The following SCRIB variants were observed in gnomAD, a reference collection of about 807,000 sequenced individuals.
SCRIB encodes the protein scribble planar cell polarity protein.
In SCRIB, 72 loss-of-function variants were observed where a neutral mutation model predicts 170.0. That is an observed-to-expected ratio of 0.42 (90% confidence interval 0.35 to 0.52). The LOEUF (loss-of-function observed/expected upper bound fraction) is 0.52. SCRIB is among the 20% of genes least tolerant of loss of function. The probability of loss-of-function intolerance (pLI) is 0.02; values close to 1 mark genes in which losing one functional copy is unlikely to be tolerated. For missense variants in SCRIB, 2,475 were observed against 2,338.5 expected (o/e 1.06, Z -1.20); for synonymous variants, 1,298 against 1,044.3 (o/e 1.24, Z -4.68).
At position 143,805,379 on chromosome 8, in the gene SCRIB, C is replaced by A; in HGVS notation, c.2403G>T (p.Arg801=). The change falls in exon 19 of 37, where the codon CGG becomes CGT. Residue 801 remains arginine (R), a synonymous_variant. Coordinates refer to ENST00000356994, the MANE Select transcript of SCRIB (RefSeq NM_182706.5). ...AEHHEAVEAL[R]GAGTAVQMRV... Reference sequence around the variant, plus strand: ...GCATCTGCACGGCAGTGCCGGCCCCCCGGAGCGCCTCCACGGCCTCGTGGT... The same window carrying A: ...GCATCTGCACGGCAGTGCCGGCCCCACGGAGCGCCTCCACGGCCTCGTGGT... 1.3e-6 allele frequency: 2 copies of A among 1,548,016 alleles called. No individual in the cohort carries two copies. Among genetic ancestry groups the A allele is most frequent in the Non-Finnish European group, 1.7e-6 (2 of 1,152,822 alleles).
At chr8:143,791,840 G>A (rs371260780) in intron 34 of SCRIB, 36 bp downstream of exon 34, 259 of 1,538,960 alleles carry the variant, frequency 1.7e-4, no homozygotes, top group African/African-American at 7.6e-4. Flanking sequence ...CCCATGCCTC[G>A]GGGGTGAAGG....
Position 143,815,652 on chromosome 8 carries a change from C to T in SCRIB, c.-280G>A. 3 of 983,142 alleles carry T rather than the reference C, an allele frequency of 3.1e-6. No individual in the cohort carries two copies. The highest frequency in any genetic ancestry group is 5.2e-4 in the Middle Eastern group (1 of 1,912). The allele number at this position is 983,142 out of a possible 1,614,324, so 60.9% of individuals were successfully genotyped here. A position where few individuals can be genotyped will look rare whatever the true frequency, so the allele number is the denominator to read the frequency against. ...GCGGCGGCTCCGCATCCCGCTTGGT[C>T]CTGCTCAGCTCGTCCCGCCCGCTCG... On this transcript the variant is annotated 5_prime_UTR_variant, in exon 1 of 37. Transcript: ENST00000356994.
chr8:143,804,988 C>G lies in SCRIB; in HGVS notation c.2697G>C (p.Glu899Asp), dbSNP rs782431978. The G allele has an allele frequency of 3.2e-6, 5 of 1,585,708 alleles. No individual in the cohort carries two copies. The highest frequency in any genetic ancestry group is 4.3e-6 in the Non-Finnish European group (5 of 1,170,288). The part of the protein sequence containing the change: ...DAGIFVSRIA[E>D]GGAAHRAGTL... ...TGCCCGCGCGGTGAGCAGCACCGCCCTCGGCAATGCGGGAGACGAAGATGC... is the reference window on the plus strand; with the variant it reads ...TGCCCGCGCGGTGAGCAGCACCGCCGTCGGCAATGCGGGAGACGAAGATGC... Residue 899 changes from glutamate to aspartate, a missense_variant, in exon 20 of 37, where the codon GAG (glutamate) becomes GAC (aspartate). Physicochemically the swap from Glu to Asp is conservative, Grantham distance 45 (BLOSUM62 2). Coordinates refer to ENST00000356994, the MANE Select transcript of SCRIB (RefSeq NM_182706.5).
In SCRIB at chr8:143,815,303, G is replaced by T; in HGVS notation, c.70C>A (p.Leu24Met). 6.3e-7 allele frequency: 1 copy of T among 1,590,520 alleles called. No individual in the cohort carries two copies. Residue 24 changes from leucine to methionine, a missense_variant, in exon 1 of 37, where the codon CTG becomes ATG. Transcript: ENST00000356994. ...VESVDKRHCS[L>M]QAVPEEIYRY... ...TAGATCTCCTCCGGCACGGCCTGCAGCGAACAGTGCCGCTTGTCCACCGAC... is the reference window on the plus strand; with the variant it reads ...TAGATCTCCTCCGGCACGGCCTGCATCGAACAGTGCCGCTTGTCCACCGAC...
Position 143,804,830 on chromosome 8 carries a change from G to A in SCRIB, c.2752-5C>T, listed in dbSNP as rs376025603. On this transcript the variant is annotated splice_polypyrimidine_tract_variant and splice_region_variant and intron_variant, in intron 20 of 36. Transcript: ENST00000356994. Reference sequence around the variant, plus strand: ...AGTCACGTCCACTCCATTAATCTGTGAGAGCGTGCCCGAATCAGGGAGGCC... The same window carrying A: ...AGTCACGTCCACTCCATTAATCTGTAAGAGCGTGCCCGAATCAGGGAGGCC... 49 of 1,581,624 alleles carry A rather than the reference G, an allele frequency of 3.1e-5. No homozygotes were observed. Among genetic ancestry groups the A allele is most frequent in the Non-Finnish European group, 3.9e-5 (46 of 1,170,604 alleles).
rs1815574394 is a variant in SCRIB, at chr8:143,809,033, G to A, written c.1699-8C>T. 1.9e-6 allele frequency: 3 copies of A among 1,604,456 alleles called. No individual in the cohort carries two copies. Among genetic ancestry groups the A allele is most frequent in the Non-Finnish European group, 8.5e-7 (1 of 1,175,264 alleles). ...TGCGAAATGCACCGTGGGCTGTGCG[G>A]ACAAAAGGGTGAGGGTGGCCCCAGC... On this transcript the variant is annotated splice_polypyrimidine_tract_variant and splice_region_variant and intron_variant, in intron 14 of 36. Transcript: ENST00000356994.
rs537757115 is a variant in SCRIB, at chr8:143,810,876, C to A, written c.1273+30G>T. The A allele has an allele frequency of 9.3e-6, 15 of 1,609,150 alleles. No individual in the cohort carries two copies. In the Admixed American group the frequency reaches 1.7e-4, roughly 18 times the overall value. The stretch of plus-strand genomic sequence containing the variant: ...CCCAAACCCTGCCTGAGAGCCACCC[C>A]GCGCTAAGCACCGGTTGCCAACAAC... On this transcript the variant is annotated intron_variant, in intron 11 of 36. Transcript: ENST00000356994.
Position 143,815,468 on chromosome 8 carries a change from G to C in SCRIB, c.-96C>G. The C allele has an allele frequency of 9.3e-7, 1 of 1,074,190 alleles. No individual in the cohort carries two copies. The highest frequency in any genetic ancestry group is 4.4e-5 in the South Asian group (1 of 22,922). The allele number at this position is 1,074,190 out of a possible 1,614,324, so 66.5% of individuals were successfully genotyped here. A position where few individuals can be genotyped will look rare whatever the true frequency, so the allele number is the denominator to read the frequency against. On this transcript the variant is annotated 5_prime_UTR_variant, in exon 1 of 37. Coordinates refer to ENST00000356994, the MANE Select transcript of SCRIB (RefSeq NM_182706.5). The stretch of plus-strand genomic sequence containing the variant: ...CCGCATGGGCGCCGCGCATGGGGAG[G>C]GGGCGCAGGCAGGGGGCGGGCCGCC...
rs1554635876 is a variant in SCRIB, at chr8:143,804,587, T to C, written c.2990A>G (p.Glu997Gly). The change falls in exon 21 of 37, where the codon GAA becomes GGA. Residue 997 changes from glutamate (E) to glycine (G), a missense_variant. Physicochemically the swap from Glu to Gly is moderately conservative, Grantham distance 98. Coordinates refer to ENST00000356994, the MANE Select transcript of SCRIB (RefSeq NM_182706.5). The part of the protein sequence containing the change: ...LAPSLLAAAL[E>G]GPYPVEEIRL... ...TCTCACCTCCACTGGGTATGGCCCT[T>C]CCAACGCGGCAGCCAGCAGGCTGGG... is the stretch of plus-strand genomic sequence containing the variant. 2 of 1,513,326 alleles carry C rather than the reference T, an allele frequency of 1.3e-6. No homozygotes were observed. The highest frequency in any genetic ancestry group is 1.4e-5 in the African/African-American group (1 of 72,044). 93.7% of individuals were successfully genotyped at this position (1,513,326 alleles called of 1,614,324 possible).
At chr8:143,809,745 C>T (rs371680988) in intron 13 of SCRIB, 27 bp from the exon 14 acceptor site, 17 of 1,596,586 alleles carry the variant, frequency 1.1e-5, no homozygotes, top group Admixed American at 6.7e-5. Context: ...GGTCAGGCTT[C>T]GACGGAGCTC....
Position 143,792,265 on chromosome 8 carries a change from A to G in SCRIB, c.4469T>C (p.Leu1490Pro). The change falls in exon 32 of 37, where the codon CTC becomes CCC. Residue 1490 changes from leucine to proline, a missense_variant. Leu to Pro is a moderately conservative substitution (Grantham distance 98). This residue lies in a region of SCRIB where 1,966 missense variants were observed against 1,742.9 expected (regional missense o/e 1.13). Coordinates refer to ENST00000356994, the MANE Select transcript of SCRIB (RefSeq NM_182706.5). ...ACGCTTCTCGGCCTCCAGGGCCCGG[A>G]GCTCGGCAGGGGACAGGGCACGCTC... Reference protein sequence around the residue: ...APERALSPAELRALEAEKRAL... With the variant: ...APERALSPAEPRALEAEKRAL... 6.4e-7 allele frequency: 1 copy of G among 1,572,378 alleles called. No homozygotes were observed. Among genetic ancestry groups the G allele is most frequent in the Non-Finnish European group, 8.6e-7 (1 of 1,166,448 alleles).
rs377006018 is a variant in SCRIB at position 143,804,064 on chromosome 8, A to G, written c.3102T>C (p.Pro1034=). The change falls in exon 22 of 37, where the codon CCT becomes CCC. Residue 1034 remains proline (P), a synonymous_variant. Transcript: ENST00000356994. Reference sequence around the variant, plus strand: ...GCCCTACCTTGGAGATGAACACACCAGGCTCCTGGACACCAAACGGGTGGC... The same window carrying G: ...GCCCTACCTTGGAGATGAACACACCGGGCTCCTGGACACCAAACGGGTGGC... ...HSSHPFGVQE[P]GVFISKVLPR... 38 of 1,611,076 alleles carry G rather than the reference A, an allele frequency of 2.4e-5. No homozygotes were observed. Among genetic ancestry groups the G allele is most frequent in the South Asian group, 1.7e-4 (15 of 90,852 alleles).
intron 34 of SCRIB, 36 bp downstream of exon 34, chr8:143,791,839 CG>C: frequency 6.5e-7 from 1 of 1,529,008 alleles, no homozygotes; most frequent in Non-Finnish European, 8.8e-7. Flanking sequence ...CCCCATGCCT[CG>C]GGGGTGAAGG....
Position 143,815,402 on chromosome 8 carries a change from G to A in SCRIB, c.-30C>T, listed in dbSNP as rs774469101. ...CGGGTGGGCGGCGCGGGCTCCGGCG[G>A]CGGCGCTCGGCGGGCTCGGGGCCGG... On this transcript the variant is annotated 5_prime_UTR_variant, in exon 1 of 37. Coordinates refer to ENST00000356994, the MANE Select transcript of SCRIB (RefSeq NM_182706.5). 47 of 1,265,716 alleles carry A rather than the reference G, an allele frequency of 3.7e-5. No individual in the cohort carries two copies. In the African/African-American group the frequency reaches 5.4e-4, roughly 15 times the overall value. The allele number at this position is 1,265,716 out of a possible 1,614,324, so 78.4% of individuals were successfully genotyped here. A position where few individuals can be genotyped will look rare whatever the true frequency, so the allele number is the denominator to read the frequency against.
At position 143,792,693 on chromosome 8, in the gene SCRIB, T is replaced by A. The variant is rs1814754680; in HGVS notation, c.4177+15A>T. 1 of 1,587,264 alleles carries A rather than the reference T, an allele frequency of 6.3e-7. No individual in the cohort carries two copies. ...AGCCGAGACCCAACCCCCACCCCAC[T>A]TCCGTGCCCCTCACCTTCCTCCTCC... On this transcript the variant is annotated intron_variant, in intron 30 of 36. Coordinates refer to ENST00000356994, the MANE Select transcript of SCRIB (RefSeq NM_182706.5).
Position 143,811,286 on chromosome 8 carries a change from G to A in SCRIB, c.966C>T (p.Asn322=), listed in dbSNP as rs1055962767. Residue 322 remains asparagine (N), a synonymous_variant, in exon 10 of 37, where the codon AAC becomes AAT. Coordinates refer to ENST00000356994, the MANE Select transcript of SCRIB (RefSeq NM_182706.5). ...TCTCGGGCGGCAGCGCCTCGAGGTG[G>A]TTCCGGTCCACGTTGAGGTTGGTCA... ...TKLTNLNVDR[N]HLEALPPEIG... is the part of the protein sequence containing the mutation. The A allele has an allele frequency of 2.5e-6, 4 of 1,612,744 alleles. No individual in the cohort carries two copies. Among genetic ancestry groups the A allele is most frequent in the South Asian group, 1.1e-5 (1 of 90,990 alleles).
chr8:143,794,059 C>T, intron 27 of SCRIB, 97 bp from the exon 28 acceptor site: 1 of 1,139,076 alleles, frequency 8.8e-7, no homozygotes, highest in South Asian at 1.4e-5. Context: ...AAAGCCACAG[C>T]AGCTCTTCAG....
At position 143,805,143 on chromosome 8, in the gene SCRIB, T is replaced by C. The variant is rs782166469; in HGVS notation, c.2639A>G (p.Lys880Arg). Reference protein sequence around the residue: ...RGLGFSIAGGKGSTPYRAGDA... With the variant: ...RGLGFSIAGGRGSTPYRAGDA... The stretch of plus-strand genomic sequence containing the variant: ...ACCAGCCCTGTAGGGTGTGGAGCCT[T>C]TCCCACCAGCAATGCTGAAGCCCAG... Residue 880 changes from lysine (K) to arginine (R), a missense_variant, in exon 19 of 37, where the codon AAA (lysine) becomes AGA (arginine). Transcript: ENST00000356994. 3 of 1,581,408 alleles carry C rather than the reference T, an allele frequency of 1.9e-6. No individual in the cohort carries two copies. The highest frequency in any genetic ancestry group is 4.5e-5 in the East Asian group (2 of 44,374).
In SCRIB at chr8:143,811,238, G is replaced by A. The variant is rs777129298; in HGVS notation, c.1014C>T (p.Ser338=). ...PPEIGGCVAL[S]VLSLRDNRLA... Reference sequence around the variant, plus strand: ...GGCGGTTGTCCCTCAAGGAGAGGACGCTGAGTGCCACACAGCCCCCGATCT... The same window carrying A: ...GGCGGTTGTCCCTCAAGGAGAGGACACTGAGTGCCACACAGCCCCCGATCT... The change falls in exon 10 of 37, where the codon AGC becomes AGT. Residue 338 remains serine, a synonymous_variant. Transcript: ENST00000356994. The A allele has an allele frequency of 2.0e-5, 32 of 1,611,000 alleles. No individual in the cohort carries two copies. Among genetic ancestry groups the A allele is most frequent in the Non-Finnish European group, 2.4e-5 (28 of 1,179,228 alleles).
Sources: allele counts gnomAD v4.1 joint callset, GRCh38; gene constraint gnomAD v4.1.1; regional missense constraint gnomAD v4.1.1; transcripts MANE v1.5; gene names NCBI Gene and HGNC (gene_info 2026-07-23, HGNC 2026-07-21).